HS6ST3: variants seen among roughly 807,000 people sequenced by gnomAD.
The protein encoded by HS6ST3 is heparan-sulfate 6-O-sulfotransferase 3.
HS6ST3 carries 12 observed loss-of-function variants against 36.7 expected under a neutral mutation model. The observed-to-expected ratio is 0.33, with a 90% CI of 0.21 to 0.53. The LOEUF is 0.53. HS6ST3 is among the 20% of genes least tolerant of loss of function. The pLI is 0.95. For missense variants in HS6ST3, 584 were observed against 640.9 expected, an observed-to-expected ratio of 0.91 and a Z score of 0.96; for synonymous variants, 240 against 257.5, an observed-to-expected ratio of 0.93 and a Z score of 0.65.
intron 1 of HS6ST3, among the ~76,000 whole-genome samples, chr13:96,440,830 G>A (rs1257510765): frequency 6.6e-6 from 1 of 152,102 alleles, no homozygotes; most frequent in Admixed American, 6.5e-5. Context: ...GAAATGCAGA[G>A]GAATAATTAA....
At chr13:96,469,648 T>G (rs555678048) in intron 1 of HS6ST3, among the ~76,000 whole-genome samples, 1 of 152,192 alleles carries the variant, frequency 6.6e-6, no homozygotes, top group African/African-American at 2.4e-5. Context: ...TCAGAGATCA[T>G]GCTAGGAAAC....
chr13:96,114,585 T>C (rs2053885183), intron 1 of HS6ST3, among the ~76,000 whole-genome samples: 1 of 152,226 alleles, frequency 6.6e-6, no homozygotes, highest in African/African-American at 2.4e-5. Flanking sequence ...TGTTTGCTCA[T>C]CTACGAAACA....
intron 1 of HS6ST3, among the ~76,000 whole-genome samples, chr13:96,608,143 T>C (rs558762034): frequency 1.3e-5 from 2 of 152,306 alleles, no homozygotes; most frequent in East Asian, 1.9e-4. Context: ...TTATTCATCT[T>C]TGGAAGATAA....
chr13:96,394,496 T>G (rs2389663), intron 1 of HS6ST3, among the ~76,000 whole-genome samples: 49,029 of 151,994 alleles, frequency 0.32, 8,683 homozygotes, highest in Non-Finnish European at 0.41. Flanking sequence ...TTCAATCTTT[T>G]GTAGTCTCAG....
Position 96,609,840 on chromosome 13 carries a change from A to G in HS6ST3, c.708-222650A>G, listed in dbSNP as rs149465494. ...ATATTAAACTTTAATGCTTCTGATA[A>G]TATTTGATGATGGAAAAGGAACTAG... is the stretch of plus-strand genomic sequence containing the variant. On this transcript the variant is annotated intron_variant, in intron 1 of 1. Transcript: ENST00000376705. Among the ~76,000 whole-genome samples, 545 of 152,332 alleles carry G rather than the reference A, an allele frequency of 3.6e-3. 2 individuals are homozygous for G. The highest frequency in any genetic ancestry group is 7.7e-3 in the South Asian group (37 of 4,830).
intron 1 of HS6ST3, among the ~76,000 whole-genome samples, chr13:96,225,831 T>G (rs1274824090): frequency 1.3e-5 from 2 of 152,136 alleles, no homozygotes; most frequent in African/African-American, 4.8e-5. Flanking sequence ...GAAACTAAAT[T>G]TCAACTGGGT....
chr13:96,526,217 G>A (rs2056113994), intron 1 of HS6ST3, among the ~76,000 whole-genome samples: 1 of 152,098 alleles, frequency 6.6e-6, no homozygotes, highest in Non-Finnish European at 1.5e-5. Flanking sequence ...GATCCAGGGG[G>A]GACACAGGTC....
chr13:96,317,337 T>A (rs2054975980), intron 1 of HS6ST3, among the ~76,000 whole-genome samples: 2 of 26,500 alleles, frequency 7.5e-5, no homozygotes, highest in South Asian at 1.7e-3. Flanking sequence ...TATATATATA[T>A]ATATATATAT....
intron 1 of HS6ST3, among the ~76,000 whole-genome samples, chr13:96,368,095 G>A (rs946385669): frequency 2.0e-5 from 3 of 152,150 alleles, no homozygotes; most frequent in Admixed American, 1.3e-4. Flanking sequence ...ACCCCACAGA[G>A]CCCAGCATTG....
chr13:96,349,817 A>G (rs965566130), intron 1 of HS6ST3, among the ~76,000 whole-genome samples: 4 of 152,210 alleles, frequency 2.6e-5, no homozygotes, highest in Admixed American at 2.6e-4. Flanking sequence ...AAGATTAAGG[A>G]GAATCTATTC....
At chr13:96,669,207 T>C in intron 1 of HS6ST3, among the ~76,000 whole-genome samples, 1 of 152,152 alleles carries the variant, frequency 6.6e-6, no homozygotes, top group East Asian at 1.9e-4. Context: ...ATATGGATAT[T>C]GAGTTTGTCT....
chr13:96,836,088 T>C lies in HS6ST3; in HGVS notation c.*2890T>C, dbSNP rs1292409829. 1.3e-5 allele frequency: 2 copies of C among 152,118 alleles called. No individual in the cohort carries two copies. The highest frequency in any genetic ancestry group is 3.9e-4 in the East Asian group (2 of 5,190). The allele number at this position is 152,118 out of a possible 1,614,324, so 9.4% of individuals were successfully genotyped here. A position where few individuals can be genotyped will look rare whatever the true frequency, so the allele number is the denominator to read the frequency against. On this transcript the variant is annotated 3_prime_UTR_variant, in exon 2 of 2. Transcript: ENST00000376705. ...CCATGCTGAGTGATGCTCAGGGAAGTGATGCCCGCAGAAGGCGTCTGGGCC... is the reference window on the plus strand; with the variant it reads ...CCATGCTGAGTGATGCTCAGGGAAGCGATGCCCGCAGAAGGCGTCTGGGCC...
At chr13:96,619,685 G>T (rs893139585) in intron 1 of HS6ST3, among the ~76,000 whole-genome samples, 29 of 152,204 alleles carry the variant, frequency 1.9e-4, no homozygotes, top group African/African-American at 6.5e-4. Flanking sequence ...TGCCTTTAAT[G>T]CTATAAATCA....
intron 1 of HS6ST3, among the ~76,000 whole-genome samples, chr13:96,251,193 C>T (rs1307954919): frequency 6.6e-6 from 1 of 152,096 alleles, no homozygotes; most frequent in African/African-American, 2.4e-5. Flanking sequence ...GTAGAATTCA[C>T]CAGTGAAGTC....
intron 1 of HS6ST3, among the ~76,000 whole-genome samples, chr13:96,393,807 T>A (rs1353544535): frequency 6.6e-6 from 1 of 152,122 alleles, no homozygotes. Context: ...AAATATTAGC[T>A]GTGAACTTCC....
intron 1 of HS6ST3, among the ~76,000 whole-genome samples, chr13:96,092,031 G>T (rs972029237): frequency 1.3e-5 from 2 of 152,190 alleles, no homozygotes; most frequent in African/African-American, 4.8e-5. Flanking sequence ...GGTGAAGCTG[G>T]AGACGAGTAT....
chr13:96,617,137 TTCTC>T (rs1221736615), intron 1 of HS6ST3, among the ~76,000 whole-genome samples: 1 of 152,222 alleles, frequency 6.6e-6, no homozygotes, highest in African/African-American at 2.4e-5. Flanking sequence ...TGAATAGCCT[TTCTC>T]TAATAAAAGT....
chr13:96,587,984 A>T (rs1163270565), intron 1 of HS6ST3, among the ~76,000 whole-genome samples: 1 of 152,056 alleles, frequency 6.6e-6, no homozygotes, highest in African/African-American at 2.4e-5. Flanking sequence ...GGTTAAATTT[A>T]TTTCTAATTG....
In HS6ST3 at chr13:96,696,512, C is replaced by A. The variant is rs189081740; in HGVS notation, c.708-135978C>A. Reference sequence around the variant, plus strand: ...TGATGAACTGGAGAGAAAGAAGTCCCAACATATGTAATACACTGACCAACA... The same window carrying A: ...TGATGAACTGGAGAGAAAGAAGTCCAAACATATGTAATACACTGACCAACA... On this transcript the variant is annotated intron_variant, in intron 1 of 1. Coordinates refer to ENST00000376705, the MANE Select transcript of HS6ST3 (RefSeq NM_153456.4). Among the ~76,000 whole-genome samples the A allele has an allele frequency of 3.8e-3, 571 of 152,216 alleles. 3 individuals carry two copies. Among genetic ancestry groups the A allele is most frequent in the African/African-American group, 0.013 (550 of 41,528 alleles).
Sources: allele counts gnomAD v4.1 joint callset (sites outside exome capture counted in the v4.1 genomes callset), GRCh38; gene constraint gnomAD v4.1.1; transcripts MANE v1.5; gene names NCBI Gene and HGNC (gene_info 2026-07-23, HGNC 2026-07-21).